SEC14L1: variants seen among roughly 807,000 people sequenced by gnomAD.
The protein encoded by SEC14L1 is SEC14 like lipid binding 1.
A neutral mutation model predicts 85.3 loss-of-function variants in SEC14L1; 48 were observed. The ratio of observed to expected loss-of-function variants is 0.56; its 90% CI spans 0.45 to 0.72. The LOEUF is 0.72. Ranked by LOEUF, SEC14L1 falls within the 30% of genes least tolerant of loss-of-function variation. SEC14L1 has a pLI of 0.00. For missense variants in SEC14L1, 682 were observed against 921.4 expected, an observed-to-expected ratio of 0.74 and a Z score of 3.36; for synonymous variants, 391 against 355.5, an observed-to-expected ratio of 1.10 and a Z score of -1.12.
rs558099740 is a variant in SEC14L1, at chr17:77,206,924, C to G, written c.1476+62C>G. ...TTATGCAGGTGGGAGAGGTCGGTGT[C>G]GATTTGCACAAATGATTTTCAGAAC... On this transcript the variant is annotated intron_variant, in intron 13 of 16. Coordinates refer to ENST00000436233, the MANE Select transcript of SEC14L1 (RefSeq NM_001143998.2). This position sits in a 1 kb window ranked among gnomAD's most constrained non-coding sequence, Gnocchi z 4.3. 1.4e-5 allele frequency: 20 copies of G among 1,405,024 alleles called. No homozygotes were observed. Among genetic ancestry groups the G allele is most frequent in the Non-Finnish European group, 1.9e-5 (20 of 1,062,240 alleles). The allele number at this position is 1,405,024 out of a possible 1,614,324, so 87.0% of individuals were successfully genotyped here.
chr17:77,180,706 G>A (rs1023257576), intron 3 of SEC14L1, among the ~76,000 whole-genome samples: 2 of 152,162 alleles, frequency 1.3e-5, no homozygotes, highest in Admixed American at 6.5e-5. Context: ...TGCCAGAAGC[G>A]GCCTTTGATC....
intron 3 of SEC14L1, among the ~76,000 whole-genome samples, chr17:77,171,423 C>T (rs193215462): frequency 2.2e-3 from 334 of 152,264 alleles, no homozygotes; most frequent in South Asian, 7.9e-3. Context: ...AATGGGTTCC[C>T]GTTGGGGAAG....
intron 3 of SEC14L1, chr17:77,094,395 C>T (rs1971589774): frequency 6.6e-6 from 1 of 152,126 alleles, no homozygotes; most frequent in Admixed American, 6.6e-5. Context: ...TGCTATTTGC[C>T]ACGGAAAGAT....
Position 77,215,059 on chromosome 17 carries a change from A to G in SEC14L1, c.*1036A>G. On this transcript the variant is annotated 3_prime_UTR_variant, in exon 17 of 17. Transcript: ENST00000436233. ...CTTTGTACATGGGAATTGTGGACTCATGCGTGTGTGTGTGTGCATGTGCTG... is the reference window on the plus strand; with the variant it reads ...CTTTGTACATGGGAATTGTGGACTCGTGCGTGTGTGTGTGTGCATGTGCTG... The G allele has an allele frequency of 1.0e-6, 1 of 979,146 alleles. No homozygotes were observed. The highest frequency in any genetic ancestry group is 1.8e-5 in the African/African-American group (1 of 56,866). 60.7% of individuals were successfully genotyped at this position (979,146 alleles called of 1,614,324 possible).
At chr17:77,125,366 G>T (rs75747821) in intron 3 of SEC14L1, among the ~76,000 whole-genome samples, 2,104 of 151,092 alleles carry the variant, frequency 0.014, 52 homozygotes, top group African/African-American at 0.049. Context: ...CACCAATGAT[G>T]CACACCTTTT....
At position 77,216,133 on chromosome 17, in the gene SEC14L1, GC is replaced by G. The variant is rs1977054735; in HGVS notation, c.*2111del. On this transcript the variant is annotated 3_prime_UTR_variant, in exon 17 of 17. Coordinates refer to ENST00000436233, the MANE Select transcript of SEC14L1 (RefSeq NM_001143998.2). ...TTCGTAGGTAGGGTTAGTAGGTAGGGCTAGTAGGTAGGGTTCGTAGGTAGGG... is the reference window on the plus strand; with the variant it reads ...TTCGTAGGTAGGGTTAGTAGGTAGGGTAGTAGGTAGGGTTCGTAGGTAGGG... 9.9e-7 allele frequency: 1 copy of G among 1,009,796 alleles called. No homozygotes were observed. The highest frequency in any genetic ancestry group is 2.1e-5 in the African/African-American group (1 of 48,644). The allele number at this position is 1,009,796 out of a possible 1,614,324, so 62.6% of individuals were successfully genotyped here. A position where few individuals can be genotyped will look rare whatever the true frequency, so the allele number is the denominator to read the frequency against.
intron 3 of SEC14L1, among the ~76,000 whole-genome samples, chr17:77,128,435 A>C (rs62078286): frequency 2.5e-5 from 1 of 40,740 alleles, no homozygotes; most frequent in African/African-American, 1.0e-4. Flanking sequence ...ATTTTATTTT[A>C]TTTTATTTTA....
chr17:77,206,701 G>T lies in SEC14L1; in HGVS notation c.1342-27G>T. Reference sequence around the variant, plus strand: ...GGACACTCAGGCAGCAGAGAAATATGACTGCATGGTCTTCTCCTCCTCACA... The same window carrying T: ...GGACACTCAGGCAGCAGAGAAATATTACTGCATGGTCTTCTCCTCCTCACA... On this transcript the variant is annotated intron_variant, in intron 12 of 16. Coordinates refer to ENST00000436233, the MANE Select transcript of SEC14L1 (RefSeq NM_001143998.2). The surrounding 1 kb of genome is among the most constrained non-coding windows in gnomAD (Gnocchi z 4.3). The T allele has an allele frequency of 1.3e-6, 2 of 1,571,370 alleles. No individual in the cohort carries two copies. The highest frequency in any genetic ancestry group is 1.2e-5 in the South Asian group (1 of 83,616).
At chr17:77,195,436 A>C (rs1419617274) in intron 7 of SEC14L1, among the ~76,000 whole-genome samples, 1 of 152,052 alleles carries the variant, frequency 6.6e-6, no homozygotes, top group East Asian at 1.9e-4. Flanking sequence ...TTCCTGCCTC[A>C]GCCTCCCGAG....
intron 9 of SEC14L1, among the ~76,000 whole-genome samples, chr17:77,203,302 C>T (rs1976271046): frequency 6.6e-6 from 1 of 152,154 alleles, no homozygotes; most frequent in Non-Finnish European, 1.5e-5. Flanking sequence ...GCCGGATTCC[C>T]CTCATCCCGG....
intron 3 of SEC14L1, among the ~76,000 whole-genome samples, chr17:77,104,809 A>C (rs552139162): frequency 2.7e-5 from 4 of 147,500 alleles, no homozygotes; most frequent in African/African-American, 1.0e-4. Flanking sequence ...AAAAAAAAAG[A>C]AAGTTTTTTT....
intron 3 of SEC14L1, among the ~76,000 whole-genome samples, chr17:77,171,359 A>G (rs1246595471): frequency 2.0e-5 from 3 of 152,106 alleles, no homozygotes; most frequent in Admixed American, 6.5e-5. Flanking sequence ...CTTGTTTGTT[A>G]TGGGAAAAGA....
At chr17:77,149,000 CT>C (rs1174450290) in intron 3 of SEC14L1, among the ~76,000 whole-genome samples, 1 of 152,216 alleles carries the variant, frequency 6.6e-6, no homozygotes, top group Non-Finnish European at 1.5e-5. Flanking sequence ...TTCCTGCCCC[CT>C]CTTTTCTTTT....
intron 3 of SEC14L1, among the ~76,000 whole-genome samples, chr17:77,095,886 G>C (rs1463412939): frequency 6.6e-6 from 1 of 151,888 alleles, no homozygotes; most frequent in African/African-American, 2.4e-5. Context: ...ACAGTAATGG[G>C]CGCGCTCCTC....
intron 3 of SEC14L1, among the ~76,000 whole-genome samples, chr17:77,184,501 C>T (rs999634653): frequency 4.6e-5 from 7 of 152,032 alleles, no homozygotes; most frequent in African/African-American, 9.7e-5. Context: ...GTTTATAATG[C>T]TTTGCCACCC....
chr17:77,152,709 T>C (rs1017504907), intron 3 of SEC14L1: 15 of 152,346 alleles, frequency 9.8e-5, no homozygotes, highest in African/African-American at 3.1e-4. Context: ...GCCATGTTGT[T>C]ATCCCACCTA....
chr17:77,125,578 T>G (rs1291394255), intron 3 of SEC14L1, among the ~76,000 whole-genome samples: 1 of 152,210 alleles, frequency 6.6e-6, no homozygotes, highest in East Asian at 1.9e-4. Flanking sequence ...AAAGAATGCA[T>G]GAGTCAAACC....
At chr17:77,143,923 G>A (rs1973163595) in intron 3 of SEC14L1, 1 of 329,468 alleles carries the variant, frequency 3.0e-6, no homozygotes, top group Non-Finnish European at 5.6e-6. Flanking sequence ...CACAGAAGTG[G>A]GATTCTAAGC....
Position 77,206,723 on chromosome 17 carries a change from C to T in SEC14L1, c.1342-5C>T, listed in dbSNP as rs758999765. Reference sequence around the variant, plus strand: ...TATGACTGCATGGTCTTCTCCTCCTCACAGGTTAGTCCGTTCATTGATGAC... The same window carrying T: ...TATGACTGCATGGTCTTCTCCTCCTTACAGGTTAGTCCGTTCATTGATGAC... On this transcript the variant is annotated splice_region_variant and splice_polypyrimidine_tract_variant and intron_variant, in intron 12 of 16. Coordinates refer to ENST00000436233, the MANE Select transcript of SEC14L1 (RefSeq NM_001143998.2). The surrounding 1 kb of genome is among the most constrained non-coding windows in gnomAD (Gnocchi z 4.3). The T allele has an allele frequency of 1.3e-6, 2 of 1,596,946 alleles. No individual in the cohort carries two copies. Among genetic ancestry groups the T allele is most frequent in the South Asian group, 1.1e-5 (1 of 87,780 alleles).
Sources: gnomAD v4.1 joint callset for allele counts (sites outside exome capture counted in the v4.1 genomes callset) on GRCh38, gnomAD v4.1.1 for gene constraint, Gnocchi (gnomAD v3.1) non-coding constraint, MANE v1.5 for transcripts, NCBI Gene and HGNC (gene_info 2026-07-23, HGNC 2026-07-21) for gene names.